The following ABCB1 variants were observed in gnomAD, a reference collection of about 807,000 sequenced individuals.
ABCB1 encodes ATP binding cassette subfamily B member 1, also known as ATP-dependent translocase ABCB1.
Under a neutral mutation model 142.0 loss-of-function variants are expected in ABCB1, and 69 were observed. The ratio of observed to expected loss-of-function variants is 0.49; its 90% CI spans 0.40 to 0.59. The LOEUF is 0.59. Among genes scored for constraint, ABCB1 ranks in the 20% least tolerant of loss-of-function variants. ABCB1 has a pLI of 0.00. For missense variants in ABCB1, 1,326 were observed against 1,554.7 expected (o/e 0.85, Z 2.47); for synonymous variants, 532 against 539.2 (o/e 0.99, Z 0.18).
In ABCB1 at chr7:87,561,292, T is replaced by G; in HGVS notation, c.798A>C (p.Ala266=). ...CAAGTTCTTTCTTTTGTCCTCCAAA[T>G]GCAATCACAGTTCTAATTGCTGCCA... ...EVLAAIRTVI[A]FGGQKKELER... The change falls in exon 8 of 28, where the codon GCA becomes GCC. Residue 266 remains alanine, a synonymous_variant. Transcript: ENST00000622132. 11 of 1,614,040 alleles carry G rather than the reference T, an allele frequency of 6.8e-6. No individual in the cohort carries two copies. The highest frequency in any genetic ancestry group is 9.3e-6 in the Non-Finnish European group (11 of 1,179,954).
Position 87,620,304 on chromosome 7 carries a change from C to A in ABCB1, c.-330-19226G>T, listed in dbSNP as rs560244429. 5.3e-5 allele frequency among the ~76,000 whole-genome samples: 8 copies of A among 152,136 alleles called. No homozygotes were observed. In the East Asian group the frequency reaches 1.2e-3, roughly 22 times the overall value. ...CCTCCTGAGTAGCTGGGACTACAGG[C>A]GCGTGCCACCACACCCAGCTAATTT... On this transcript the variant is annotated intron_variant, in intron 1 of 28. Transcript: ENST00000265724.
rs562782748 is a variant in ABCB1 at position 87,534,554 on chromosome 7, A to G, written c.2481+1904T>C. On this transcript the variant is annotated intron_variant, in intron 20 of 27. Coordinates refer to ENST00000622132, the MANE Select transcript of ABCB1 (RefSeq NM_001348946.2). ...CTAATACAGACGTCACAAACTTACCATGTCTCATACAGAACTCTCCATTCT... is the reference window on the plus strand; with the variant it reads ...CTAATACAGACGTCACAAACTTACCGTGTCTCATACAGAACTCTCCATTCT... 8.5e-5 allele frequency among the ~76,000 whole-genome samples: 13 copies of G among 152,218 alleles called. No homozygotes were observed. The East Asian group carries it at 2.1e-3, about 25-fold the overall frequency.
chr7:87,598,671 T>C (rs563169476), intron 2 of ABCB1, among the ~76,000 whole-genome samples: 1 of 152,322 alleles, frequency 6.6e-6, no homozygotes, highest in South Asian at 2.1e-4. Context: ...TTTCTTTCAG[T>C]TTCCCTTCTC....
intron 4 of ABCB1, among the ~76,000 whole-genome samples, chr7:87,575,294 C>T (rs553098523): frequency 6.6e-6 from 1 of 152,106 alleles, no homozygotes; most frequent in African/African-American, 2.4e-5. Flanking sequence ...TTGATAATTC[C>T]CTAATTGGTA....
Position 87,553,925 on chromosome 7 carries a change from T to A in ABCB1, c.835A>T (p.Lys279Ter). 1 of 1,613,176 alleles carries A rather than the reference T, an allele frequency of 6.2e-7. No individual in the cohort carries two copies. The highest frequency in any genetic ancestry group is 8.5e-7 in the Non-Finnish European group (1 of 1,179,146). The change falls in exon 9 of 28, where the codon AAA becomes TAA. Residue 279 changes from lysine (K) to a stop codon, truncating the protein, a stop_gained. Coordinates refer to ENST00000622132, the MANE Select transcript of ABCB1 (RefSeq NM_001348946.2). LOFTEE classifies it high-confidence loss of function. The part of the protein sequence containing the change: ...GQKKELERYN[K>*]NLEEAKRIGI... Reference sequence around the variant, plus strand: ...ATTCTTTTAGCTTCTTCTAAATTTTTGTTGTACCTGAGAAAAAGAACAAAA... The same window carrying A: ...ATTCTTTTAGCTTCTTCTAAATTTTAGTTGTACCTGAGAAAAAGAACAAAA...
chr7:87,597,985 T>C (rs1395956287), intron 2 of ABCB1, among the ~76,000 whole-genome samples: 1 of 152,110 alleles, frequency 6.6e-6, no homozygotes, highest in African/African-American at 2.4e-5. Flanking sequence ...TAACATTGAC[T>C]TTTGTAAAGG....
In ABCB1 at chr7:87,550,771, G is replaced by T. The variant is rs1168879904; in HGVS notation, c.1067C>A (p.Ala356Glu). 3.1e-6 allele frequency: 5 copies of T among 1,613,874 alleles called. No homozygotes were observed. In the Admixed American group the frequency reaches 8.3e-5, roughly 27 times the overall value. ...TTCATAAGCTGCTCCTCTTGCATTTGCAAATGCTTCAATGCTTGGAGATGC... is the reference window on the plus strand; with the variant it reads ...TTCATAAGCTGCTCCTCTTGCATTTTCAAATGCTTCAATGCTTGGAGATGC... ...GQASPSIEAFANARGAAYEIF... is the reference protein window; with the variant it reads ...GQASPSIEAFENARGAAYEIF... Residue 356 changes from alanine to glutamate, a missense_variant, in exon 10 of 28, where the codon GCA becomes GAA. Ala to Glu is a moderately radical substitution (Grantham distance 107, BLOSUM62 -1). Transcript: ENST00000622132.
At position 87,563,420 on chromosome 7, in the gene ABCB1, A is replaced by G. The variant is rs574348665; in HGVS notation, c.703-2033T>C. ...ATATGATACAAATATCCTCAGCAAAATCCTGGCAAACTGAATTCAGCAGCA... is the reference window on the plus strand; with the variant it reads ...ATATGATACAAATATCCTCAGCAAAGTCCTGGCAAACTGAATTCAGCAGCA... On this transcript the variant is annotated intron_variant, in intron 7 of 27. Coordinates refer to ENST00000622132, the MANE Select transcript of ABCB1 (RefSeq NM_001348946.2). 18 of 453,838 alleles carry G rather than the reference A, an allele frequency of 4.0e-5. No individual in the cohort carries two copies. The East Asian group carries it at 1.3e-3, about 32-fold the overall frequency. The allele number at this position is 453,838 out of a possible 1,614,324, so 28.1% of individuals were successfully genotyped here.
At chr7:87,687,911 T>A (rs1302017298) in intron 1 of ABCB1, among the ~76,000 whole-genome samples, 1 of 152,216 alleles carries the variant, frequency 6.6e-6, no homozygotes, top group East Asian at 1.9e-4. Flanking sequence ...CCTGTTCATT[T>A]GGCTTTTGAG....
intron 5 of ABCB1, among the ~76,000 whole-genome samples, chr7:87,568,057 C>T (rs1266007099): frequency 1.3e-5 from 2 of 150,126 alleles, no homozygotes; most frequent in Non-Finnish European, 3.0e-5. Context: ...GAGCCGAGAT[C>T]GTGCCACTGC....
intron 1 of ABCB1, among the ~76,000 whole-genome samples, chr7:87,702,662 A>T (rs974694379): frequency 6.6e-6 from 1 of 152,068 alleles, no homozygotes; most frequent in Non-Finnish European, 1.5e-5. Flanking sequence ...CCTACATAAA[A>T]CTTCCTTGGG....
chr7:87,602,231 G>T (rs563407472), upstream of ABCB1, among the ~76,000 whole-genome samples: 3 of 149,914 alleles, frequency 2.0e-5, no homozygotes, highest in East Asian at 5.9e-4. Context: ...CTGACCTCGT[G>T]ATCCGCCCGC....
In ABCB1 at chr7:87,549,605, C is replaced by T. The variant is rs28381900; in HGVS notation, c.1555-87G>A. On this transcript the variant is annotated intron_variant, in intron 13 of 27. Transcript: ENST00000622132. ...ATTGGTAAGGAATCCTATACACAGC[C>T]CAAGTCTCACAAGTAATACAGGTCC... The T allele has an allele frequency of 3.7e-3, 5,864 of 1,584,840 alleles. 16 individuals carry two copies. Among genetic ancestry groups the T allele is most frequent in the Non-Finnish European group, 4.6e-3 (5,329 of 1,154,078 alleles).
At chr7:87,566,677 G>C in intron 6 of ABCB1, 108 bp downstream of exon 6, 1 of 1,141,274 alleles carries the variant, frequency 8.8e-7, no homozygotes, top group Non-Finnish European at 1.3e-6. Flanking sequence ...TGTCTCATAA[G>C]TACCTTTGAA....
chr7:87,554,925 TG>T (rs1161316171), intron 8 of ABCB1, among the ~76,000 whole-genome samples: 3 of 152,098 alleles, frequency 2.0e-5, no homozygotes, highest in African/African-American at 4.8e-5. Flanking sequence ...AATGAGCAAA[TG>T]AAAAAAAATC....
intron 1 of ABCB1, among the ~76,000 whole-genome samples, chr7:87,694,386 A>C (rs1346320896): frequency 1.3e-5 from 2 of 152,140 alleles, no homozygotes; most frequent in African/African-American, 4.8e-5. Context: ...TTATTTACTT[A>C]TTCAAACCTT....
At chr7:87,552,318 C>T (rs1387277387) in intron 9 of ABCB1, among the ~76,000 whole-genome samples, 1 of 152,080 alleles carries the variant, frequency 6.6e-6, no homozygotes, top group Admixed American at 6.6e-5. Context: ...AGGAACTTTG[C>T]TAAGTGATTC....
intron 21 of ABCB1, chr7:87,521,083 C>A: frequency 1.8e-6 from 1 of 551,570 alleles, no homozygotes; most frequent in Non-Finnish European, 3.2e-6. Context: ...CAAACTTCTC[C>A]TTTGCAGAAA....
At chr7:87,553,701 A>T (rs58302504) in intron 9 of ABCB1, 60 bp downstream of exon 9, 9 of 1,523,806 alleles carry the variant, frequency 5.9e-6, no homozygotes, top group East Asian at 2.3e-5. Context: ...TCAAGCCAAC[A>T]TTACTGGATT....
Sources: gnomAD v4.1 joint callset for allele counts (sites outside exome capture counted in the v4.1 genomes callset) on GRCh38, gnomAD v4.1.1 for gene constraint, MANE v1.5 for transcripts, NCBI Gene and HGNC (gene_info 2026-07-23, HGNC 2026-07-21) for gene names.